Variants in PLCB4 observed in about 807,000 individuals in gnomAD.
PLCB4 encodes 1-phosphatidylinositol 4,5-bisphosphate phosphodiesterase beta-4.
PLCB4 carries 77 observed loss-of-function variants against 178.8 expected under a neutral mutation model. The ratio of observed to expected loss-of-function variants is 0.43; its 90% confidence interval spans 0.36 to 0.52. The LOEUF (loss-of-function observed/expected upper bound fraction) is 0.52, where lower values mean the gene tolerates loss of function less well. Among genes scored for constraint, PLCB4 ranks in the 20% least tolerant of loss-of-function variants. The pLI is 0.00. For missense variants in PLCB4, 1,024 were observed against 1,453.4 expected (o/e 0.70, Z 4.80); for synonymous variants, 496 against 490.8 (o/e 1.01, Z -0.14).
chr20:9,344,083 A>G (rs1032055441), intron 7 of PLCB4, among the ~76,000 whole-genome samples: 5 of 152,200 alleles, frequency 3.3e-5, no homozygotes, highest in African/African-American at 1.2e-4. Flanking sequence ...TTCAGATCAC[A>G]TCACTCCACT....
intron 32 of PLCB4, among the ~76,000 whole-genome samples, chr20:9,449,521 A>G (rs747572351): frequency 5.9e-5 from 9 of 152,188 alleles, no homozygotes; most frequent in Non-Finnish European, 1.2e-4. Flanking sequence ...AGGAGAGTCA[A>G]AAAATCAGAA....
Position 9,200,910 on chromosome 20 carries a change from A to G in PLCB4, c.-78-16480A>G, listed in dbSNP as rs562403331. ...AATAAATATTTGTTGAATGAGTAAA[A>G]TAACTATTTTTCATGGAAAGACATT... On this transcript the variant is annotated intron_variant, in intron 2 of 39. Coordinates refer to ENST00000378473, the MANE Select transcript of PLCB4 (RefSeq NM_001377142.1). 1.4e-3 allele frequency among the ~76,000 whole-genome samples: 211 copies of G among 152,270 alleles called. 4 individuals are homozygous for G. The highest frequency in any genetic ancestry group is 0.014 in the South Asian group (66 of 4,828).
intron 2 of PLCB4, among the ~76,000 whole-genome samples, chr20:9,125,113 G>A (rs917860096): frequency 4.6e-5 from 7 of 152,066 alleles, no homozygotes; most frequent in African/African-American, 1.7e-4. Flanking sequence ...GTCTCTTGAT[G>A]GCAATTCTGC....
chr20:9,074,346 G>A (rs184850322), intron 1 of PLCB4, among the ~76,000 whole-genome samples: 139 of 152,202 alleles, frequency 9.1e-4, no homozygotes, highest in African/African-American at 2.9e-3. Flanking sequence ...CTGTAGCTAC[G>A]GAAACACCCT....
chr20:9,072,125 T>A (rs2089605639), intron 1 of PLCB4, among the ~76,000 whole-genome samples: 1 of 152,210 alleles, frequency 6.6e-6, no homozygotes, highest in Non-Finnish European at 1.5e-5. Flanking sequence ...ATCTGCCTGT[T>A]GGGAAATAAA....
chr20:9,380,184 CT>C, intron 13 of PLCB4, 22 bp downstream of exon 13: 1 of 1,118,484 alleles, frequency 8.9e-7, no homozygotes, highest in Non-Finnish European at 1.3e-6. Flanking sequence ...GAAAAAAGGA[CT>C]TAAAAAAAAA....
chr20:9,164,627 C>T (rs1173377266), intron 2 of PLCB4, among the ~76,000 whole-genome samples: 2 of 152,104 alleles, frequency 1.3e-5, no homozygotes, highest in Non-Finnish European at 2.9e-5. Context: ...AGATTTCAAT[C>T]TTTCAGGGGC....
At chr20:9,265,942 A>G (rs1023801997) in intron 3 of PLCB4, among the ~76,000 whole-genome samples, 1 of 152,204 alleles carries the variant, frequency 6.6e-6, no homozygotes, top group African/African-American at 2.4e-5. Context: ...CAGCCCTTCA[A>G]GAGATTTCGA....
chr20:9,314,952 A>C (rs1601790502), intron 4 of PLCB4, among the ~76,000 whole-genome samples: 1 of 150,868 alleles, frequency 6.6e-6, no homozygotes, highest in South Asian at 2.1e-4. Context: ...GCTCACTGCA[A>C]CCTCCGCCTC....
At chr20:9,182,630 G>A (rs2093266018) in intron 2 of PLCB4, among the ~76,000 whole-genome samples, 1 of 152,178 alleles carries the variant, frequency 6.6e-6, no homozygotes, top group Admixed American at 6.5e-5. Flanking sequence ...GAGATTGAAG[G>A]GCAGGTGGTT....
At chr20:9,462,556 G>A (rs1019594129) in intron 35 of PLCB4, among the ~76,000 whole-genome samples, 1 of 152,184 alleles carries the variant, frequency 6.6e-6, no homozygotes, top group Admixed American at 6.5e-5. Context: ...AATAAACAGT[G>A]TAGAGAAGAC....
chr20:9,240,649 G>A (rs1394849621), intron 3 of PLCB4, among the ~76,000 whole-genome samples: 1 of 152,178 alleles, frequency 6.6e-6, no homozygotes, highest in African/African-American at 2.4e-5. Context: ...ATTCTGGTCT[G>A]TAGCATTCCC....
intron 25 of PLCB4, among the ~76,000 whole-genome samples, chr20:9,412,008 G>A (rs1474273261): frequency 6.6e-6 from 1 of 152,196 alleles, no homozygotes; most frequent in African/African-American, 2.4e-5. Context: ...CCCTCTGCCA[G>A]CCTGGTGAAT....
At chr20:9,207,976 G>C (rs1361284920) in intron 2 of PLCB4, among the ~76,000 whole-genome samples, 1 of 152,024 alleles carries the variant, frequency 6.6e-6, no homozygotes, top group African/African-American at 2.4e-5. Context: ...GTATTTTAAC[G>C]CAAATTACAG....
chr20:9,158,194 A>G (rs552810215), intron 2 of PLCB4, among the ~76,000 whole-genome samples: 92 of 152,200 alleles, frequency 6.0e-4, no homozygotes, highest in African/African-American at 2.1e-3. Context: ...GTGTTTCCCA[A>G]TATCAGTCAT....
At chr20:9,285,015 T>C (rs1413471760) in intron 3 of PLCB4, among the ~76,000 whole-genome samples, 11 of 151,922 alleles carry the variant, frequency 7.2e-5, no homozygotes, top group Admixed American at 5.3e-4. Flanking sequence ...GAACATTCAC[T>C]TTCAGCATGA....
At chr20:9,303,560 A>G (rs549904809) in intron 3 of PLCB4, among the ~76,000 whole-genome samples, 28 of 152,290 alleles carry the variant, frequency 1.8e-4, no homozygotes, top group African/African-American at 6.7e-4. Flanking sequence ...TGTATAATAC[A>G]CCACATTTTC....
intron 2 of PLCB4, among the ~76,000 whole-genome samples, chr20:9,162,969 G>T (rs964664695): frequency 6.6e-6 from 1 of 152,014 alleles, no homozygotes; most frequent in African/African-American, 2.4e-5. Context: ...CAATTTCTGG[G>T]GTTTAAATAT....
At chr20:9,190,984 G>A (rs1194655570) in intron 2 of PLCB4, among the ~76,000 whole-genome samples, 1 of 152,112 alleles carries the variant, frequency 6.6e-6, no homozygotes, top group East Asian at 1.9e-4. Flanking sequence ...TGGTTTAGAA[G>A]CCTCCAGTAT....
Sources: gnomAD v4.1 joint callset for allele counts (sites outside exome capture counted in the v4.1 genomes callset) on GRCh38, gnomAD v4.1.1 for gene constraint, MANE v1.5 for transcripts, NCBI Gene and HGNC (gene_info 2026-07-23, HGNC 2026-07-21) for gene names.